Variants in KALRN observed in about 807,000 individuals in gnomAD.
The protein encoded by KALRN is kalirin.
A neutral mutation model predicts 353.7 loss-of-function variants in KALRN; 70 were observed. That is an observed-to-expected ratio of 0.20 (90% confidence interval 0.16 to 0.24). KALRN has a LOEUF of 0.24. Ranked by LOEUF, KALRN falls within the 10% of genes least tolerant of loss-of-function variation. The probability of loss-of-function intolerance (pLI) is 1.00; values close to 1 mark genes in which losing one functional copy is unlikely to be tolerated. For missense variants in KALRN, 2,791 were observed against 3,756.7 expected (o/e 0.74, Z 6.72); for synonymous variants, 1,391 against 1,434.8 (o/e 0.97, Z 0.69).
chr3:124,161,627 G>A (rs558404483), intron 1 of KALRN, among the ~76,000 whole-genome samples: 21 of 152,300 alleles, frequency 1.4e-4, no homozygotes, highest in African/African-American at 4.1e-4. Flanking sequence ...AAAATGTCTC[G>A]TGTTATTATG....
At chr3:124,341,024 C>T (rs2081648452) in intron 9 of KALRN, among the ~76,000 whole-genome samples, 1 of 152,164 alleles carries the variant, frequency 6.6e-6, no homozygotes, top group East Asian at 1.9e-4. Flanking sequence ...AGACTGTCTC[C>T]TGTGCTGAAA....
intron 29 of KALRN, 85 bp from the exon 30 acceptor site, chr3:124,490,609 G>T: frequency 8.0e-7 from 1 of 1,247,972 alleles, no homozygotes. Flanking sequence ...AATAAGAGAG[G>T]CCTTTCTCCA....
intron 1 of KALRN, among the ~76,000 whole-genome samples, chr3:124,140,272 T>C (rs1055549351): frequency 3.3e-5 from 5 of 152,204 alleles, no homozygotes; most frequent in African/African-American, 7.2e-5. Flanking sequence ...TTACGGCTGG[T>C]AACAACTCAC....
chr3:124,180,298 C>T (rs78907871), intron 1 of KALRN, among the ~76,000 whole-genome samples: 5,170 of 152,282 alleles, frequency 0.034, 268 homozygotes, highest in African/African-American at 0.12. Flanking sequence ...CTCCATCCTC[C>T]AGCTCCTACC....
chr3:124,487,879 C>T (rs1187285175), intron 28 of KALRN, among the ~76,000 whole-genome samples: 1 of 152,178 alleles, frequency 6.6e-6, no homozygotes, highest in African/African-American at 2.4e-5. Flanking sequence ...CCTCTGTTCA[C>T]GTGCTTTGCC....
chr3:124,712,440 A>G (rs2062935140), intron 57 of KALRN, among the ~76,000 whole-genome samples: 1 of 152,132 alleles, frequency 6.6e-6, no homozygotes, highest in Admixed American at 6.5e-5. Context: ...TCTGCCTCGA[A>G]AAGAAAACTG....
chr3:124,471,475 C>T lies in KALRN; in HGVS notation c.4032-3188C>T, dbSNP rs1173831278. 3.3e-5 allele frequency among the ~76,000 whole-genome samples: 5 copies of T among 151,724 alleles called. No individual in the cohort carries two copies. In the East Asian group the frequency reaches 5.9e-4, roughly 18 times the overall value. ...TAATTTTTTGTATTTTTAATAGAGA[C>T]GGGGTTTCATCATGTTGGCTAAGCT... On this transcript the variant is annotated intron_variant, in intron 25 of 59. Coordinates refer to ENST00000682506, the MANE Select transcript of KALRN (RefSeq NM_001388419.1).
In KALRN at chr3:124,297,675, G is replaced by C. The variant is rs147923528; in HGVS notation, c.970-1116G>C. ...TAAGGAGAAAATAGTAGAATTTCCT[G>C]CTCTGGACAGAATATTACAGAAAGT... On this transcript the variant is annotated intron_variant, in intron 5 of 59. Transcript: ENST00000682506. Among the ~76,000 whole-genome samples the C allele has an allele frequency of 9.9e-4, 151 of 152,332 alleles. 2 individuals are homozygous for C. Among genetic ancestry groups the C allele is most frequent in the Non-Finnish European group, 1.2e-3 (82 of 68,030 alleles).
rs1205640512 is a variant in KALRN at position 124,673,485 on chromosome 3, GAATATATATGTATATCCTGTATGTATATA to G, written c.6943-878_6943-850del. ...TATATCCTGTATGTATATACATATAGAATATATATGTATATCCTGTATGTATATACATATAGAATATATATGTATATCCT... is the reference window on the plus strand; with the variant it reads ...TATATCCTGTATGTATATACATATAGCATATAGAATATATATGTATATCCT... On this transcript the variant is annotated intron_variant, in intron 48 of 59. Transcript: ENST00000682506. Among the ~76,000 whole-genome samples, 271 of 149,784 alleles carry G rather than the reference GAATATATATGTATATCCTGTATGTATATA, an allele frequency of 1.8e-3. 9 individuals are homozygous for G. The highest frequency in any genetic ancestry group is 5.4e-3 in the East Asian group (27 of 5,032).
chr3:124,237,226 CT>C (rs1370841240), intron 3 of KALRN, among the ~76,000 whole-genome samples: 1 of 152,200 alleles, frequency 6.6e-6, no homozygotes, highest in Non-Finnish European at 1.5e-5. Flanking sequence ...AACTGTTAGA[CT>C]CAGTAGATGA....
chr3:124,052,661 C>T (rs1392967973), intron 1 of KALRN, among the ~76,000 whole-genome samples: 1 of 152,016 alleles, frequency 6.6e-6, no homozygotes, highest in African/African-American at 2.4e-5. Flanking sequence ...CTTTCTTCCA[C>T]ATTTTCTAGA....
chr3:124,092,103 TTC>T (rs1453775178), intron 1 of KALRN, among the ~76,000 whole-genome samples: 1 of 152,226 alleles, frequency 6.6e-6, no homozygotes, highest in Non-Finnish European at 1.5e-5. Context: ...ATTGCTTATG[TTC>T]TTAGGTCTGT....
chr3:124,519,670 C>T, intron 33 of KALRN: 4 of 985,326 alleles, frequency 4.1e-6, no homozygotes, highest in Non-Finnish European at 4.8e-6. Context: ...AGGAATCGTG[C>T]TCTCAATGCA....
chr3:124,492,928 C>T (rs373142735), intron 32 of KALRN, 46 bp downstream of exon 32: 33 of 1,597,604 alleles, frequency 2.1e-5, no homozygotes, highest in Admixed American at 1.2e-4. Flanking sequence ...CACAGGCTTC[C>T]GGGTGCGGGA....
At position 124,465,009 on chromosome 3, in the gene KALRN, C is replaced by T. The variant is rs778676570; in HGVS notation, c.4031+2376C>T. The stretch of plus-strand genomic sequence containing the variant: ...GTAACCCTGAGTCATGAATATGTTC[C>T]GCACTAAAGGCAAATAACTGTACTG... On this transcript the variant is annotated intron_variant, in intron 25 of 59. Transcript: ENST00000682506. Among the ~76,000 whole-genome samples the T allele has an allele frequency of 1.0e-3, 157 of 152,152 alleles. 1 individual carries two copies. The highest frequency in any genetic ancestry group is 6.3e-3 in the Admixed American group (96 of 15,268).
intron 33 of KALRN, chr3:124,519,647 C>G: frequency 1.0e-6 from 1 of 985,318 alleles, no homozygotes; most frequent in Non-Finnish European, 1.2e-6. Context: ...GTTCAGTGTT[C>G]TGAACTTTTC....
intron 57 of KALRN, among the ~76,000 whole-genome samples, chr3:124,705,442 A>G (rs911098882): frequency 1.3e-5 from 2 of 152,190 alleles, no homozygotes; most frequent in African/African-American, 2.4e-5. Context: ...ATGACCTTCA[A>G]GACCTGAGTG....
At chr3:124,560,449 G>A (rs1217502702) in intron 33 of KALRN, among the ~76,000 whole-genome samples, 1 of 152,216 alleles carries the variant, frequency 6.6e-6, no homozygotes, top group African/African-American at 2.4e-5. Context: ...GTCCATTAGC[G>A]AGGTGGAATC....
intron 3 of KALRN, among the ~76,000 whole-genome samples, chr3:124,255,649 C>G (rs1045728712): frequency 1.3e-5 from 2 of 152,110 alleles, no homozygotes; most frequent in Non-Finnish European, 2.9e-5. Context: ...CTGTAGATAC[C>G]CCACAATAGC....
Sources: gnomAD v4.1 joint callset for allele counts (sites outside exome capture counted in the v4.1 genomes callset) on GRCh38, gnomAD v4.1.1 for gene constraint, MANE v1.5 for transcripts, NCBI Gene and HGNC (gene_info 2026-07-23, HGNC 2026-07-21) for gene names.